Variants in OLFM2 observed in about 807,000 individuals in gnomAD.
OLFM2 encodes the protein noelin-2.
A neutral mutation model predicts 43.9 loss-of-function variants in OLFM2; 20 were observed. The observed-to-expected ratio is 0.46, with a 90% CI of 0.32 to 0.66. OLFM2 has a LOEUF of 0.66. Ranked by LOEUF, OLFM2 falls within the 30% of genes least tolerant of loss-of-function variation. The pLI, the probability that OLFM2 is intolerant of heterozygous loss-of-function variation, is 0.04. For synonymous variants in OLFM2, 268 were observed against 278.6 expected (o/e 0.96, Z 0.38); for missense variants, 416 against 643.6 (o/e 0.65, Z 3.83).
intron 1 of OLFM2, among the ~76,000 whole-genome samples, chr19:9,929,031 C>T (rs986779016): frequency 3.3e-5 from 5 of 151,330 alleles, no homozygotes; most frequent in African/African-American, 9.7e-5. Context: ...TGCCTGGGCA[C>T]CATGGCAAGA....
intron 1 of OLFM2, among the ~76,000 whole-genome samples, chr19:9,875,336 C>T (rs1191747004): frequency 1.3e-5 from 2 of 152,164 alleles, no homozygotes; most frequent in Admixed American, 1.3e-4. Context: ...CTTCCCCAGC[C>T]TTCATGCCTC....
intron 1 of OLFM2, among the ~76,000 whole-genome samples, chr19:9,918,866 G>T (rs1343811047): frequency 6.6e-6 from 1 of 152,144 alleles, no homozygotes; most frequent in Non-Finnish European, 1.5e-5. Context: ...AGTGGGGGTG[G>T]GAGTGGAGAT....
Position 9,902,271 on chromosome 19 carries a change from G to A in OLFM2, c.63+34033C>T, listed in dbSNP as rs192461925. 7.2e-3 allele frequency among the ~76,000 whole-genome samples: 1,095 copies of A among 151,710 alleles called. 25 individuals are homozygous for A. Among genetic ancestry groups the A allele is most frequent in the Admixed American group, 0.023 (349 of 15,234 alleles). ...TCTCGATCTCCTGACCTCGTGATTC[G>A]CCCACCTCAGCCTCCCAAAATGCTG... On this transcript the variant is annotated intron_variant, in intron 1 of 5. Coordinates refer to ENST00000264833, the MANE Select transcript of OLFM2 (RefSeq NM_058164.4).
intron 1 of OLFM2, among the ~76,000 whole-genome samples, chr19:9,872,548 G>A (rs59361763): frequency 3.3e-5 from 5 of 151,674 alleles, no homozygotes; most frequent in East Asian, 3.9e-4. Flanking sequence ...GTTCACCCGC[G>A]CCATGCTGGA....
intron 1 of OLFM2, among the ~76,000 whole-genome samples, chr19:9,881,881 A>T (rs1412244048): frequency 3.3e-5 from 5 of 152,044 alleles, no homozygotes; most frequent in Admixed American, 6.6e-5. Context: ...ATCACCTCTT[A>T]AAAAAACCCC....
intron 1 of OLFM2, among the ~76,000 whole-genome samples, chr19:9,873,355 T>C (rs2046458866): frequency 6.6e-6 from 1 of 152,160 alleles, no homozygotes; most frequent in African/African-American, 2.4e-5. Context: ...GGTTTCACCA[T>C]GTTGCCCAGG....
intron 1 of OLFM2, among the ~76,000 whole-genome samples, chr19:9,898,894 C>T (rs980893333): frequency 1.3e-4 from 20 of 152,142 alleles, no homozygotes; most frequent in Admixed American, 6.6e-5. Flanking sequence ...CTCTCACTTC[C>T]GGGAATCCAT....
intron 1 of OLFM2, among the ~76,000 whole-genome samples, chr19:9,868,143 A>G (rs1288034484): frequency 1.3e-5 from 2 of 151,794 alleles, no homozygotes; most frequent in African/African-American, 4.8e-5. Context: ...GCTCACTGCA[A>G]TCTCCACCTC....
chr19:9,884,381 G>A (rs2046567894), intron 1 of OLFM2, among the ~76,000 whole-genome samples: 1 of 151,618 alleles, frequency 6.6e-6, no homozygotes, highest in South Asian at 2.1e-4. Context: ...TTCGAAACCA[G>A]CCTGGCCAAC....
intron 1 of OLFM2, among the ~76,000 whole-genome samples, chr19:9,900,988 A>AAGGC (rs1401980050): frequency 3.5e-5 from 1 of 28,408 alleles, no homozygotes; most frequent in Admixed American, 3.6e-4. Flanking sequence ...GGAAGGAAGG[A>AAGGC]AGGGAGGGAG....
chr19:9,924,656 A>G (rs1375812038), intron 1 of OLFM2, among the ~76,000 whole-genome samples: 2 of 151,942 alleles, frequency 1.3e-5, no homozygotes, highest in East Asian at 3.9e-4. Context: ...TGTCTTTTTT[A>G]TGGTCCATTT....
intron 1 of OLFM2, among the ~76,000 whole-genome samples, chr19:9,884,631 C>T (rs1172732352): frequency 1.3e-5 from 2 of 152,200 alleles, no homozygotes; most frequent in African/African-American, 4.8e-5. Context: ...GAGCTCACAG[C>T]AAACACCACC....
At chr19:9,867,739 T>C (rs977276365) in intron 1 of OLFM2, among the ~76,000 whole-genome samples, 1 of 152,158 alleles carries the variant, frequency 6.6e-6, no homozygotes, top group African/African-American at 2.4e-5. Context: ...GCCATTACAG[T>C]TTCTGCAATT....
chr19:9,936,107 G>T (rs576623429), intron 1 of OLFM2, among the ~76,000 whole-genome samples, 197 bp downstream of exon 1: 12 of 151,618 alleles, frequency 7.9e-5, no homozygotes, highest in African/African-American at 2.9e-4. Context: ...CTTGAGGCTG[G>T]ATTTGAAGCC....
chr19:9,862,326 CAG>C lies in OLFM2; in HGVS notation c.64-1534_64-1533del, dbSNP rs1487869298. On this transcript the variant is annotated intron_variant, in intron 1 of 5. Coordinates refer to ENST00000264833, the MANE Select transcript of OLFM2 (RefSeq NM_058164.4). ...AGATGAACTTGAGGGACGAGTGAGA[CAG>C]AAGAAAAGGAGAAGGCAGGGGACAT... Among the ~76,000 whole-genome samples, 20 of 151,944 alleles carry C rather than the reference CAG, an allele frequency of 1.3e-4. 1 individual carries two copies. The East Asian group carries it at 2.7e-3, about 21-fold the overall frequency.
At chr19:9,913,753 G>C in intron 1 of OLFM2, 3 of 898,552 alleles carry the variant, frequency 3.3e-6, no homozygotes, top group Non-Finnish European at 4.1e-6. Flanking sequence ...CTGCGGGGCA[G>C]GGGGTCCGGG....
intron 1 of OLFM2, among the ~76,000 whole-genome samples, chr19:9,903,961 G>GA (rs914791397): frequency 1.5e-4 from 23 of 152,048 alleles, no homozygotes; most frequent in African/African-American, 5.6e-4. Context: ...TGCATCACCA[G>GA]ATTTGTCATT....
At chr19:9,911,719 A>G (rs114107593) in intron 1 of OLFM2, among the ~76,000 whole-genome samples, 178 of 152,314 alleles carry the variant, frequency 1.2e-3, no homozygotes, top group African/African-American at 4.2e-3. Flanking sequence ...ATACTTATTT[A>G]TACATTCTGC....
intron 1 of OLFM2, among the ~76,000 whole-genome samples, chr19:9,862,242 AG>A (rs1375277857): frequency 6.6e-6 from 1 of 152,144 alleles, no homozygotes; most frequent in African/African-American, 2.4e-5. Context: ...AGGGAGTAAC[AG>A]GGGGTCTTCC....
Sources: allele counts gnomAD v4.1 joint callset (sites outside exome capture counted in the v4.1 genomes callset), GRCh38; gene constraint gnomAD v4.1.1; transcripts MANE v1.5; gene names NCBI Gene and HGNC (gene_info 2026-07-23, HGNC 2026-07-21).